Variants in NBAS observed in about 807,000 individuals in gnomAD.
NBAS encodes the protein NBAS subunit of NRZ tethering complex, also known as NAG/BC035112 fusion.
A neutral mutation model predicts 302.5 loss-of-function variants in NBAS; 219 were observed. The observed-to-expected ratio is 0.72, with a 90% confidence interval of 0.65 to 0.81. NBAS has a LOEUF of 0.81. NBAS is among the 30% of genes least tolerant of loss of function. NBAS has a pLI of 0.00. For synonymous variants in NBAS, 1,118 were observed against 1,021.6 expected (o/e 1.09, Z -1.80); for missense variants, 2,932 against 2,841.6 (o/e 1.03, Z -0.72).
chr2:15,034,244 G>GAAAGAAAA, the NBAS span, among the ~76,000 whole-genome samples: 2 of 87,688 alleles, frequency 2.3e-5, 1 homozygote, highest in Admixed American at 2.3e-4. Flanking sequence ...AGGAAAGAAA[G>GAAAGAAAA]AAAGAAAGAA....
At chr2:15,532,521 A>G (rs976486087) in intron 9 of NBAS, among the ~76,000 whole-genome samples, 12 of 150,624 alleles carry the variant, frequency 8.0e-5, no homozygotes, top group African/African-American at 2.7e-4. Flanking sequence ...CTATAAAATT[A>G]TGATATAACA....
At chr2:14,938,306 T>A in the NBAS span, among the ~76,000 whole-genome samples, 1 of 152,172 alleles carries the variant, frequency 6.6e-6, no homozygotes, top group African/African-American at 2.4e-5. Context: ...CAGATACATA[T>A]ACATACACAC....
intron 21 of NBAS, among the ~76,000 whole-genome samples, chr2:15,455,166 G>A (rs570407371): frequency 2.0e-5 from 3 of 152,158 alleles, no homozygotes; most frequent in Non-Finnish European, 4.4e-5. Context: ...GCCTCCCAAA[G>A]TGCTGGGATT....
intron 35 of NBAS, among the ~76,000 whole-genome samples, chr2:15,336,940 C>T (rs976237533): frequency 1.3e-5 from 2 of 152,074 alleles, no homozygotes; most frequent in Non-Finnish European, 2.9e-5. Context: ...ACTACAACTA[C>T]ATTTAGAGGT....
chr2:15,412,973 C>T (rs1391761638), intron 25 of NBAS, among the ~76,000 whole-genome samples: 1 of 152,220 alleles, frequency 6.6e-6, no homozygotes, highest in African/African-American at 2.4e-5. Context: ...TTACAAAGCC[C>T]TATCTTACTG....
intron 30 of NBAS, among the ~76,000 whole-genome samples, chr2:15,375,527 C>G (rs953297355): frequency 6.6e-6 from 1 of 152,086 alleles, no homozygotes; most frequent in Admixed American, 6.6e-5. Context: ...ACAGGCCAAG[C>G]CTGCTCTCGT....
chr2:15,058,670 A>G, the NBAS span, among the ~76,000 whole-genome samples: 7 of 152,182 alleles, frequency 4.6e-5, no homozygotes, highest in African/African-American at 1.7e-4. Context: ...CAGAAATGGC[A>G]TGGGGTAATA....
the NBAS span, among the ~76,000 whole-genome samples, chr2:14,965,866 T>A: frequency 3.3e-5 from 5 of 152,212 alleles, no homozygotes; most frequent in African/African-American, 9.6e-5. Context: ...CAGAAAGATA[T>A]GTTAAGTTGT....
chr2:15,555,833 T>C (rs1664619728), intron 3 of NBAS, among the ~76,000 whole-genome samples: 1 of 152,150 alleles, frequency 6.6e-6, no homozygotes, highest in Admixed American at 6.5e-5. Flanking sequence ...TTTTTGAGTC[T>C]TCCTTCTCAA....
intron 32 of NBAS, among the ~76,000 whole-genome samples, chr2:15,357,817 T>C (rs1572712502): frequency 6.6e-6 from 1 of 152,188 alleles, no homozygotes; most frequent in Admixed American, 6.5e-5. Flanking sequence ...TGGCTCCCCC[T>C]TCAAGCATTT....
At position 15,274,407 on chromosome 2, in the gene NBAS, G is replaced by C. The variant is rs936350752; in HGVS notation, c.5724+1077C>G. Among the ~76,000 whole-genome samples the C allele has an allele frequency of 1.2e-4, 18 of 152,186 alleles. 1 individual carries two copies. On this transcript the variant is annotated intron_variant, in intron 44 of 51. Coordinates refer to ENST00000281513, the MANE Select transcript of NBAS (RefSeq NM_015909.4). ...CTGGGCAGACCTGGTGACTTGCACG[G>C]AAGGAGAAGGCAACAGCAAAGATGG...
At chr2:15,334,240 A>G (rs1199553518) in intron 35 of NBAS, among the ~76,000 whole-genome samples, 4 of 150,890 alleles carry the variant, frequency 2.7e-5, no homozygotes, top group Non-Finnish European at 5.9e-5. Context: ...CCCAGGTTGG[A>G]GTGCAGTGGC....
intron 21 of NBAS, among the ~76,000 whole-genome samples, chr2:15,451,072 G>A (rs1195971240): frequency 6.6e-6 from 1 of 152,018 alleles, no homozygotes; most frequent in East Asian, 1.9e-4. Flanking sequence ...TTATTTATTT[G>A]ACAGAGTCTT....
At chr2:15,098,675 TATATATTATATATTGTATATA>T in the NBAS span, among the ~76,000 whole-genome samples, 1 of 135,428 alleles carries the variant, frequency 7.4e-6, no homozygotes, top group Admixed American at 8.3e-5. Flanking sequence ...TACATTATAT[TATATATTATATATTGTATATA>T]ATATATTATA....
intron 25 of NBAS, among the ~76,000 whole-genome samples, chr2:15,406,960 C>T (rs569448449): frequency 5.3e-5 from 8 of 152,262 alleles, no homozygotes; most frequent in East Asian, 1.9e-4. Flanking sequence ...TAGAACAGTC[C>T]TACTAAAGAA....
In NBAS at chr2:15,179,228, T is replaced by A; in HGVS notation, c.6712-112A>T. ...CTGTGGTAGCGTGTGTGTGTGTGTG[T>A]AAAGCCACATATGGTACCGCACTGG... is the stretch of plus-strand genomic sequence containing the variant. On this transcript the variant is annotated intron_variant, in intron 50 of 51. Transcript: ENST00000281513. The A allele has an allele frequency of 3.4e-6, 5 of 1,455,208 alleles. No homozygotes were observed. The South Asian group carries it at 6.0e-5, about 18-fold the overall frequency. The allele number at this position is 1,455,208 out of a possible 1,614,324, so 90.1% of individuals were successfully genotyped here. A position where few individuals can be genotyped will look rare whatever the true frequency, so the allele number is the denominator to read the frequency against.
chr2:15,144,069 C>CTATTATCCTATATATATATATATATATA, the NBAS span, among the ~76,000 whole-genome samples: 1 of 89,376 alleles, frequency 1.1e-5, no homozygotes, highest in South Asian at 4.0e-4. Flanking sequence ...ATATATATAT[C>CTATTATCCTATATATATATATATATATA]TCCCATTAGT....
At chr2:15,005,593 G>A in the NBAS span, among the ~76,000 whole-genome samples, 226 of 152,332 alleles carry the variant, frequency 1.5e-3, no homozygotes, top group Admixed American at 2.5e-3. Flanking sequence ...TCCCTGCACT[G>A]CTGTTCCATT....
At chr2:15,322,598 C>T (rs1057262323) in intron 38 of NBAS, among the ~76,000 whole-genome samples, 42 of 152,010 alleles carry the variant, frequency 2.8e-4, no homozygotes, top group African/African-American at 9.9e-4. Flanking sequence ...AAATAATGAC[C>T]AACTTTCTTT....
Sources: gnomAD v4.1 joint callset for allele counts (sites outside exome capture counted in the v4.1 genomes callset) on GRCh38, gnomAD v4.1.1 for gene constraint, MANE v1.5 for transcripts, NCBI Gene and HGNC (gene_info 2026-07-23, HGNC 2026-07-21) for gene names.